FNDC3A: variants seen among roughly 807,000 people sequenced by gnomAD.
FNDC3A encodes fibronectin type-III domain-containing protein 3A.
A neutral mutation model predicts 148.9 loss-of-function variants in FNDC3A; 32 were observed. That is an observed-to-expected ratio of 0.21 (90% confidence interval 0.16 to 0.29). FNDC3A has a LOEUF of 0.29. Among genes scored for constraint, FNDC3A ranks in the 10% least tolerant of loss-of-function variants. The pLI is 1.00. For synonymous variants in FNDC3A, 472 were observed against 473.6 expected, an observed-to-expected ratio of 1.00 and a Z score of 0.04; for missense variants, 1,191 against 1,452.8, an observed-to-expected ratio of 0.82 and a Z score of 2.93.
At chr13:49,022,329 A>G (rs558380436) in intron 2 of FNDC3A, among the ~76,000 whole-genome samples, 1 of 152,268 alleles carries the variant, frequency 6.6e-6, no homozygotes, top group East Asian at 1.9e-4. Context: ...AAAGCTCTAC[A>G]TGTTTGTTTC....
intron 2 of FNDC3A, among the ~76,000 whole-genome samples, chr13:49,070,695 C>T (rs1315754202): frequency 6.6e-6 from 1 of 152,072 alleles, no homozygotes; most frequent in Non-Finnish European, 1.5e-5. Flanking sequence ...CTGATTTCTT[C>T]TCAATCTCAC....
At chr13:49,002,078 A>G (rs1952136056) in intron 1 of FNDC3A, among the ~76,000 whole-genome samples, 1 of 152,096 alleles carries the variant, frequency 6.6e-6, no homozygotes, top group Admixed American at 6.6e-5. Flanking sequence ...TATTTCTCAG[A>G]CCGGCTGACA....
intron 1 of FNDC3A, among the ~76,000 whole-genome samples, chr13:48,986,390 T>TG (rs1337421247): frequency 1.9e-5 from 2 of 102,782 alleles, no homozygotes; most frequent in South Asian, 4.3e-4. Context: ...AAGTTGTTTT[T>TG]TTTTTTTTTT....
intron 2 of FNDC3A, among the ~76,000 whole-genome samples, chr13:49,026,796 T>C (rs879652409): frequency 6.6e-6 from 1 of 152,192 alleles, no homozygotes; most frequent in Non-Finnish European, 1.5e-5. Flanking sequence ...GTTTTAGATT[T>C]GAGGTAATAA....
At chr13:49,151,924 C>A (rs1346712543) in intron 8 of FNDC3A, among the ~76,000 whole-genome samples, 2 of 152,158 alleles carry the variant, frequency 1.3e-5, no homozygotes, top group South Asian at 2.1e-4. Context: ...TTTTTTATGG[C>A]TGCATAGTAT....
chr13:49,167,185 G>A, intron 8 of FNDC3A, 59 bp from the exon 9 acceptor site: 3 of 1,007,782 alleles, frequency 3.0e-6, no homozygotes, highest in East Asian at 4.9e-5. Context: ...TGTATATAAT[G>A]TACATTGGTT....
At chr13:48,990,646 C>T (rs925879782) in intron 1 of FNDC3A, among the ~76,000 whole-genome samples, 2 of 148,642 alleles carry the variant, frequency 1.3e-5, no homozygotes, top group African/African-American at 5.0e-5. Context: ...CTTGTAGTCA[C>T]AGCCGCTCGG....
chr13:49,012,613 A>G (rs554079126), intron 2 of FNDC3A, among the ~76,000 whole-genome samples: 14 of 152,248 alleles, frequency 9.2e-5, no homozygotes, highest in South Asian at 6.2e-4. Flanking sequence ...CCTTGAATCT[A>G]TAGATTGATT....
intron 4 of FNDC3A, among the ~76,000 whole-genome samples, chr13:49,125,350 A>G (rs948524889): frequency 1.3e-5 from 2 of 152,138 alleles, no homozygotes; most frequent in Admixed American, 6.5e-5. Context: ...GAGAAAGGAG[A>G]TTGTGATCAC....
At chr13:49,085,464 G>A (rs1382281566) in intron 3 of FNDC3A, among the ~76,000 whole-genome samples, 8 of 152,120 alleles carry the variant, frequency 5.3e-5, no homozygotes, top group African/African-American at 9.7e-5. Context: ...AAGACTCCTA[G>A]TAACCTGCTC....
intron 2 of FNDC3A, among the ~76,000 whole-genome samples, chr13:49,072,681 G>A (rs931336046): frequency 6.6e-6 from 1 of 151,970 alleles, no homozygotes; most frequent in South Asian, 2.1e-4. Context: ...ATGGGGTCTT[G>A]CTATATTGCC....
At position 48,999,926 on chromosome 13, in the gene FNDC3A, T is replaced by C. The variant is rs1952094885; in HGVS notation, c.-39-6226T>C. On this transcript the variant is annotated intron_variant, in intron 1 of 25. Coordinates refer to ENST00000492622, the MANE Select transcript of FNDC3A (RefSeq NM_001079673.2). ...TCTTAAACTTCCCAGCCTCCAGAAGTGTGACAAATAAATGTCTGTTGTTTC... is the reference window on the plus strand; with the variant it reads ...TCTTAAACTTCCCAGCCTCCAGAAGCGTGACAAATAAATGTCTGTTGTTTC... 2.0e-5 allele frequency among the ~76,000 whole-genome samples: 3 copies of C among 152,324 alleles called. No individual in the cohort carries two copies. The South Asian group carries it at 6.2e-4, about 32-fold the overall frequency.
rs140202453 is a variant in FNDC3A at position 49,095,675 on chromosome 13, A to C, written c.176-18980A>C. On this transcript the variant is annotated intron_variant, in intron 3 of 25. Coordinates refer to ENST00000492622, the MANE Select transcript of FNDC3A (RefSeq NM_001079673.2). ...TGGTGAGAAGGACAACTGAATCACA[A>C]ACACAGAGATTTACCTTAGTTTAGC... Among the ~76,000 whole-genome samples, 37 of 152,234 alleles carry C rather than the reference A, an allele frequency of 2.4e-4. No individual in the cohort carries two copies. In the East Asian group the frequency reaches 6.9e-3, roughly 29 times the overall value.
At chr13:49,203,800 CT>C (rs1412170057) in intron 25 of FNDC3A, among the ~76,000 whole-genome samples, 4 of 152,042 alleles carry the variant, frequency 2.6e-5, no homozygotes, top group Non-Finnish European at 5.9e-5. Flanking sequence ...CCTATTAAAT[CT>C]GATGAACATA....
At chr13:49,110,007 G>T (rs1369924284) in intron 3 of FNDC3A, among the ~76,000 whole-genome samples, 1 of 152,134 alleles carries the variant, frequency 6.6e-6, no homozygotes, top group African/African-American at 2.4e-5. Flanking sequence ...AAAATTAGAA[G>T]ATAGCACCTG....
At chr13:48,976,976 T>C (rs1397478599) in intron 1 of FNDC3A, 1 of 152,252 alleles carries the variant, frequency 6.6e-6, no homozygotes, top group East Asian at 1.9e-4. Flanking sequence ...AGGGACTGTT[T>C]TAATGGATGT....
At chr13:49,144,527 CAT>C (rs1566280917) in intron 7 of FNDC3A, among the ~76,000 whole-genome samples, 1 of 152,130 alleles carries the variant, frequency 6.6e-6, no homozygotes, top group Non-Finnish European at 1.5e-5. Context: ...AGTTGTTAAA[CAT>C]ATATAATTTT....
chr13:49,059,498 C>G (rs112156213), intron 2 of FNDC3A, among the ~76,000 whole-genome samples: 1,804 of 152,306 alleles, frequency 0.012, 35 homozygotes, highest in African/African-American at 0.039. Context: ...CTCTGTTGCT[C>G]AGGCTGGAGT....
chr13:49,042,203 G>A (rs1874990126), intron 2 of FNDC3A, among the ~76,000 whole-genome samples: 1 of 152,088 alleles, frequency 6.6e-6, no homozygotes, highest in Non-Finnish European at 1.5e-5. Flanking sequence ...CCATTGTAAA[G>A]CCATCTACTT....
Sources: gnomAD v4.1 joint callset for allele counts (sites outside exome capture counted in the v4.1 genomes callset) on GRCh38, gnomAD v4.1.1 for gene constraint, MANE v1.5 for transcripts, NCBI Gene and HGNC (gene_info 2026-07-23, HGNC 2026-07-21) for gene names.